Variants in CACNG8 observed in about 807,000 individuals in gnomAD.
The protein encoded by CACNG8 is voltage-dependent calcium channel gamma-8 subunit.
CACNG8 carries 5 observed loss-of-function variants against 26.9 expected under a neutral mutation model. The observed-to-expected ratio is 0.19, with a 90% CI of 0.10 to 0.39. CACNG8 has a LOEUF of 0.39. Ranked by LOEUF, CACNG8 falls within the 10% of genes least tolerant of loss-of-function variation. The pLI, the probability that CACNG8 is intolerant of heterozygous loss-of-function variation, is 1.00. For synonymous variants in CACNG8, 321 were observed against 296.7 expected, an observed-to-expected ratio of 1.08 and a Z score of -0.84; for missense variants, 473 against 609.4, an observed-to-expected ratio of 0.78 and a Z score of 2.36.
chr19:53,963,281 A>ACG lies in CACNG8; in HGVS notation c.145_146dup (p.Leu50ProfsTer48). The ACG allele has an allele frequency of 6.2e-7, 1 of 1,608,968 alleles. No individual in the cohort carries two copies. Among genetic ancestry groups the ACG allele is most frequent in the Non-Finnish European group, 8.5e-7 (1 of 1,179,110 alleles). On this transcript the variant is annotated frameshift_variant, in exon 1 of 4. Transcript: ENST00000270458. LOFTEE classifies it high-confidence loss of function. ...CATCAGCACTGACTACTGGCTCTACACGCGCGCCCTCATCTGCAACACCAC... is the reference window on the plus strand; with the variant it reads ...CATCAGCACTGACTACTGGCTCTACACGCGCGCGCCCTCATCTGCAACACCAC...
Position 53,963,121 on chromosome 19 carries a change from C to T in CACNG8, c.-22C>T. The T allele has an allele frequency of 6.9e-7, 1 of 1,457,042 alleles. No homozygotes were observed. Among genetic ancestry groups the T allele is most frequent in the South Asian group, 1.4e-5 (1 of 73,370 alleles). 90.3% of individuals were successfully genotyped at this position (1,457,042 alleles called of 1,614,324 possible). A position where few individuals can be genotyped will look rare whatever the true frequency, so the allele number is the denominator to read the frequency against. ...CGCTGCCCCGGTGGTGGCCCACGGC[C>T]CCCCGGCTGCCCGTGGTCAAACTGG... On this transcript the variant is annotated 5_prime_UTR_variant, in exon 1 of 4. Coordinates refer to ENST00000270458, the MANE Select transcript of CACNG8 (RefSeq NM_031895.6).
intron 3 of CACNG8, among the ~76,000 whole-genome samples, chr19:53,981,803 T>C (rs570488074): frequency 2.0e-5 from 3 of 152,200 alleles, no homozygotes; most frequent in South Asian, 2.1e-4. Context: ...CCAGCAGAGG[T>C]GAGGCCTGGG....
chr19:53,976,290 G>A (rs754781174), intron 1 of CACNG8, among the ~76,000 whole-genome samples: 1 of 152,228 alleles, frequency 6.6e-6, no homozygotes, highest in Non-Finnish European at 1.5e-5. Context: ...GGAGGTGGAG[G>A]TTGCAGTGAG....
Position 53,963,317 on chromosome 19 carries a change from G to A in CACNG8, c.175G>A (p.Ala59Thr). The change falls in exon 1 of 4, where the codon GCC becomes ACC. Residue 59 changes from alanine to threonine, a missense_variant. Ala to Thr is a moderately conservative substitution (Grantham distance 58). This residue lies in a region of CACNG8 where 69 missense variants were observed against 66.7 expected (regional missense o/e 1.03). Transcript: ENST00000270458. ...CATCTGCAACACCACCAACCTCACG[G>A]CCGGCGGCGACGACGGGACCCCCCA... is the stretch of plus-strand genomic sequence containing the variant. 1 of 1,603,960 alleles carries A rather than the reference G, an allele frequency of 6.2e-7. No homozygotes were observed. The highest frequency in any genetic ancestry group is 8.5e-7 in the Non-Finnish European group (1 of 1,178,194).
intron 1 of CACNG8, among the ~76,000 whole-genome samples, chr19:53,975,079 G>T (rs142631904): frequency 0.014 from 2,122 of 151,438 alleles, 45 homozygotes; most frequent in African/African-American, 0.049. Context: ...CTCCCTAGTA[G>T]CTGGGACTAC....
chr19:53,980,272 G>C (rs904007346), intron 3 of CACNG8, among the ~76,000 whole-genome samples: 4 of 152,066 alleles, frequency 2.6e-5, no homozygotes, highest in East Asian at 3.9e-4. Context: ...TGTCTGGCGC[G>C]TAAGACGCCG....
chr19:53,963,542 C>G, intron 1 of CACNG8, 117 bp downstream of exon 1: 11 of 1,027,242 alleles, frequency 1.1e-5, no homozygotes, highest in South Asian at 1.8e-5. Flanking sequence ...TCCTCCTCTG[C>G]CAGAGGGGCT....
chr19:53,972,789 G>A (rs1435222310), intron 1 of CACNG8, among the ~76,000 whole-genome samples: 1 of 152,174 alleles, frequency 6.6e-6, no homozygotes, highest in Non-Finnish European at 1.5e-5. Context: ...CTGGGAAGTG[G>A]TACGTTGGGA....
At chr19:53,975,678 C>T (rs531969267) in intron 1 of CACNG8, among the ~76,000 whole-genome samples, 2 of 152,280 alleles carry the variant, frequency 1.3e-5, no homozygotes, top group African/African-American at 4.8e-5. Context: ...CACACCTGGC[C>T]CATTCAACCA....
Position 53,963,068 on chromosome 19 carries a change from C to G in CACNG8, c.-75C>G, listed in dbSNP as rs527964050. ...CGCTTCTGCCTGCGCTGTGAACCCCCCCCCAGCCGCCGGCACGGCCCCGCC... is the reference window on the plus strand; with the variant it reads ...CGCTTCTGCCTGCGCTGTGAACCCCGCCCCAGCCGCCGGCACGGCCCCGCC... On this transcript the variant is annotated 5_prime_UTR_variant, in exon 1 of 4. Coordinates refer to ENST00000270458, the MANE Select transcript of CACNG8 (RefSeq NM_031895.6). 107 of 938,396 alleles carry G rather than the reference C, an allele frequency of 1.1e-4. 1 individual carries two copies. In the East Asian group the frequency reaches 1.7e-3, roughly 15 times the overall value. The allele number at this position is 938,396 out of a possible 1,614,324, so 58.1% of individuals were successfully genotyped here.
chr19:53,971,162 G>A (rs1001503689), intron 1 of CACNG8, among the ~76,000 whole-genome samples: 7 of 151,370 alleles, frequency 4.6e-5, no homozygotes, highest in African/African-American at 1.7e-4. Context: ...TGCAGTGGTG[G>A]GCAACTGTAA....
rs1306598281 is a variant in CACNG8 at position 53,982,596 on chromosome 19, G to A, written c.1025G>A (p.Gly342Asp). 1.0e-6 allele frequency: 1 copy of A among 953,546 alleles called. No homozygotes were observed. The allele number at this position is 953,546 out of a possible 1,614,324, so 59.1% of individuals were successfully genotyped here. Residue 342 changes from glycine (G) to aspartate (D), a missense_variant, in exon 4 of 4, where the codon GGC becomes GAC. By Grantham distance (94) the Gly-to-Asp change is moderately conservative. Coordinates refer to ENST00000270458, the MANE Select transcript of CACNG8 (RefSeq NM_031895.6). The surrounding 1 kb of genome is among the most constrained non-coding windows in gnomAD (Gnocchi z 8.4). The stretch of plus-strand genomic sequence containing the variant: ...GGGGCGTTCGGCGGCGCGGCCGGGG[G>A]CGCCGGGGGCGGCGGCGGAGGCGGC...
intron 1 of CACNG8, among the ~76,000 whole-genome samples, chr19:53,973,533 T>A (rs368670613): frequency 3.6e-5 from 5 of 140,022 alleles, no homozygotes; most frequent in Admixed American, 1.5e-4. Flanking sequence ...TTAAAAAAAA[T>A]AAATAAATAA....
At position 53,988,232 on chromosome 19, in the gene CACNG8, G is replaced by C. The variant is rs1384302033; in HGVS notation, c.*5383G>C. The C allele has an allele frequency of 1.3e-5, 2 of 152,722 alleles. No individual in the cohort carries two copies. Among genetic ancestry groups the C allele is most frequent in the Non-Finnish European group, 2.9e-5 (2 of 68,774 alleles). The allele number at this position is 152,722 out of a possible 1,614,324, so 9.5% of individuals were successfully genotyped here. ...GCCCTGCTGGAGTGGAGGGGAGAGA[G>C]AATTTGGGGGGAAGACAGAAGGAAA... On this transcript the variant is annotated 3_prime_UTR_variant, in exon 4 of 4. Transcript: ENST00000270458.
chr19:53,969,465 C>T (rs1229412327), intron 1 of CACNG8, among the ~76,000 whole-genome samples: 2 of 151,114 alleles, frequency 1.3e-5, no homozygotes, highest in Non-Finnish European at 2.9e-5. Context: ...CACCACATTG[C>T]CCAGCCTGGT....
intron 3 of CACNG8, among the ~76,000 whole-genome samples, chr19:53,980,917 C>T (rs1470561949): frequency 2.6e-5 from 4 of 152,094 alleles, no homozygotes; most frequent in South Asian, 2.1e-4. Context: ...GCAGGGTGTG[C>T]TTTGGGGATG....
Position 53,980,057 on chromosome 19 carries a change from C to CGTGT in CACNG8, c.508+76_508+79dup, listed in dbSNP as rs56223082. 3,312 of 1,103,854 alleles carry CGTGT rather than the reference C, an allele frequency of 3.0e-3. 20 individuals are homozygous for CGTGT. Among genetic ancestry groups the CGTGT allele is most frequent in the African/African-American group, 0.018 (1,089 of 61,938 alleles). The allele number at this position is 1,103,854 out of a possible 1,614,324, so 68.4% of individuals were successfully genotyped here. A position where few individuals can be genotyped will look rare whatever the true frequency, so the allele number is the denominator to read the frequency against. On this transcript the variant is annotated intron_variant, in intron 3 of 3. Coordinates refer to ENST00000270458, the MANE Select transcript of CACNG8 (RefSeq NM_031895.6). ...CCGGGGCGGCCCACCTGGGCGCGCA[C>CGTGT]GTGTGTGTGTGTGTGTGTGTGTGTG...
chr19:53,977,744 C>T (rs780238083), intron 1 of CACNG8, among the ~76,000 whole-genome samples: 1 of 152,108 alleles, frequency 6.6e-6, no homozygotes, highest in African/African-American at 2.4e-5. Flanking sequence ...CATTTCCAGA[C>T]TTTTCAACCA....
At chr19:53,976,969 G>A (rs797006838) in intron 1 of CACNG8, among the ~76,000 whole-genome samples, 2 of 152,296 alleles carry the variant, frequency 1.3e-5, no homozygotes, top group African/African-American at 4.8e-5. Context: ...CACCGTGCCC[G>A]GCCTCAGCCC....
Sources: allele counts gnomAD v4.1 joint callset (sites outside exome capture counted in the v4.1 genomes callset), GRCh38; gene constraint gnomAD v4.1.1; regional missense constraint gnomAD v4.1.1; non-coding constraint Gnocchi (gnomAD v3.1); transcripts MANE v1.5; gene names NCBI Gene and HGNC (gene_info 2026-07-23, HGNC 2026-07-21).